TASP1: variants seen among roughly 807,000 people sequenced by gnomAD.
The protein encoded by TASP1 is taspase 1.
Under a neutral mutation model 56.6 loss-of-function variants are expected in TASP1, and 16 were observed. The ratio of observed to expected loss-of-function variants is 0.28; its 90% CI spans 0.19 to 0.43. The LOEUF is 0.43. TASP1 is among the 20% of genes least tolerant of loss of function. The pLI, the probability that TASP1 is intolerant of heterozygous loss-of-function variation, is 1.00. For missense variants in TASP1, 393 were observed against 511.6 expected, an observed-to-expected ratio of 0.77 and a Z score of 2.24; for synonymous variants, 179 against 184.2, an observed-to-expected ratio of 0.97 and a Z score of 0.23.
At chr20:13,262,736 C>G in the TASP1 span, among the ~76,000 whole-genome samples, 1 of 151,716 alleles carries the variant, frequency 6.6e-6, no homozygotes, top group Non-Finnish European at 1.5e-5. Context: ...GTGTTGATCT[C>G]CATTTTGTCA....
At chr20:13,104,892 G>A in the TASP1 span, among the ~76,000 whole-genome samples, 310 of 151,894 alleles carry the variant, frequency 2.0e-3, no homozygotes, top group Middle Eastern at 0.014. Context: ...AAAACTTCTG[G>A]CATTGTTTTT....
rs776770859 is a variant in TASP1, at chr20:13,435,056, G to C, written c.1084C>G (p.Gln362Glu). 6.2e-6 allele frequency: 10 copies of C among 1,609,994 alleles called. No homozygotes were observed. The highest frequency in any genetic ancestry group is 7.6e-6 in the Non-Finnish European group (9 of 1,177,830). Residue 362 changes from glutamine to glutamate, a missense_variant, in exon 12 of 14, where the codon CAG becomes GAG. Gln to Glu is a conservative substitution (Grantham distance 29, BLOSUM62 2). This residue lies in a region of TASP1 where 293 missense variants were observed against 354.2 expected (regional missense o/e 0.83). Transcript: ENST00000337743. ...ATGTCTCACTTACCTAGAAGTGTCT[G>C]CTTATTTTGGGAGGAGTCAGGCTCG... ...SAEPDSSQNK[Q>E]TLLVEFLWSH...
At chr20:13,150,489 C>T in the TASP1 span, among the ~76,000 whole-genome samples, 1 of 152,198 alleles carries the variant, frequency 6.6e-6, no homozygotes, top group African/African-American at 2.4e-5. Flanking sequence ...CTGCCTATCT[C>T]TTTCTTTAAA....
the TASP1 span, among the ~76,000 whole-genome samples, chr20:13,206,512 A>C: frequency 1.3e-5 from 2 of 152,312 alleles, no homozygotes; most frequent in East Asian, 1.9e-4. Flanking sequence ...ATAATAGATA[A>C]ATTTTTAAAA....
chr20:13,525,297 C>A (rs923316895), intron 10 of TASP1, among the ~76,000 whole-genome samples: 1 of 152,186 alleles, frequency 6.6e-6, no homozygotes, highest in African/African-American at 2.4e-5. Context: ...CTTGCCCAGG[C>A]TCCACAGCTA....
chr20:13,522,968 G>T, intron 10 of TASP1, among the ~76,000 whole-genome samples: 1 of 152,148 alleles, frequency 6.6e-6, no homozygotes, highest in East Asian at 1.9e-4. Flanking sequence ...GAGCAACCGT[G>T]TCAAATGTTG....
At chr20:13,463,876 G>A (rs1398930593) in intron 11 of TASP1, among the ~76,000 whole-genome samples, 1 of 152,126 alleles carries the variant, frequency 6.6e-6, no homozygotes, top group Non-Finnish European at 1.5e-5. Context: ...TGGTGAGGAT[G>A]TAAAGAAATG....
the TASP1 span, among the ~76,000 whole-genome samples, chr20:13,231,844 A>C: frequency 6.6e-6 from 1 of 152,154 alleles, no homozygotes; most frequent in African/African-American, 2.4e-5. Flanking sequence ...CCAATCACCA[A>C]ATATTCAAGA....
At chr20:13,539,726 T>C (rs1011356413) in intron 8 of TASP1, among the ~76,000 whole-genome samples, 1 of 152,222 alleles carries the variant, frequency 6.6e-6, no homozygotes, top group African/African-American at 2.4e-5. Context: ...TAAAAAAGAT[T>C]ACTTAAAAAT....
At chr20:13,501,128 T>C (rs987900256) in intron 10 of TASP1, among the ~76,000 whole-genome samples, 1 of 151,956 alleles carries the variant, frequency 6.6e-6, no homozygotes, top group Admixed American at 6.6e-5. Context: ...AGAGAAAACA[T>C]CCTTCAAAAG....
At chr20:13,514,452 C>G (rs570639842) in intron 10 of TASP1, among the ~76,000 whole-genome samples, 1 of 152,048 alleles carries the variant, frequency 6.6e-6, no homozygotes. Context: ...GTGTGTTTCT[C>G]CTCCATAAGG....
chr20:13,546,263 CAA>C (rs34313740), intron 8 of TASP1, among the ~76,000 whole-genome samples: 32,300 of 151,892 alleles, frequency 0.21, 3,579 homozygotes, highest in Middle Eastern at 0.28. Context: ...AAACACCAAT[CAA>C]AGCCCATGCA....
chr20:13,228,975 C>G, the TASP1 span, among the ~76,000 whole-genome samples: 1 of 152,154 alleles, frequency 6.6e-6, no homozygotes, highest in African/African-American at 2.4e-5. Context: ...CTCAACCACT[C>G]TGAAACCCAG....
intron 10 of TASP1, among the ~76,000 whole-genome samples, chr20:13,520,090 GA>G (rs2044684270): frequency 6.6e-6 from 1 of 152,142 alleles, no homozygotes; most frequent in Non-Finnish European, 1.5e-5. Flanking sequence ...TCTTCAAGGA[GA>G]ACTACAAACC....
the TASP1 span, among the ~76,000 whole-genome samples, chr20:13,126,991 C>T: frequency 2.6e-5 from 4 of 152,204 alleles, no homozygotes; most frequent in Admixed American, 6.5e-5. Context: ...TGTTTGTGTG[C>T]GTGTGTGTGC....
At position 13,552,335 on chromosome 20, in the gene TASP1, G is replaced by A. The variant is rs991776906; in HGVS notation, c.675+6673C>T. On this transcript the variant is annotated intron_variant, in intron 8 of 13. Transcript: ENST00000337743. ...CTGTGCAAAGACAGCAGGTGGAAACGTTGCCTCTCTGTCTCTAAGTGATGA... is the reference window on the plus strand; with the variant it reads ...CTGTGCAAAGACAGCAGGTGGAAACATTGCCTCTCTGTCTCTAAGTGATGA... Among the ~76,000 whole-genome samples, 5 of 152,234 alleles carry A rather than the reference G, an allele frequency of 3.3e-5. No homozygotes were observed. The East Asian group carries it at 9.6e-4, about 29-fold the overall frequency.
the TASP1 span, among the ~76,000 whole-genome samples, chr20:13,365,949 T>C: frequency 6.6e-6 from 1 of 152,098 alleles, no homozygotes; most frequent in African/African-American, 2.4e-5. Context: ...GAGGGGATAC[T>C]GAGGAAGACA....
chr20:13,347,821 G>A, the TASP1 span, among the ~76,000 whole-genome samples: 5 of 148,410 alleles, frequency 3.4e-5, no homozygotes, highest in Admixed American at 2.0e-4. Context: ...CAGCCTGGGC[G>A]ACATAGCGAG....
At chr20:13,375,886 A>G in the TASP1 span, among the ~76,000 whole-genome samples, 1 of 151,330 alleles carries the variant, frequency 6.6e-6, no homozygotes, top group South Asian at 2.1e-4. Flanking sequence ...TCTTTTAAGA[A>G]GTGTCTGTTC....
Sources: allele counts gnomAD v4.1 joint callset (sites outside exome capture counted in the v4.1 genomes callset), GRCh38; gene constraint gnomAD v4.1.1; regional missense constraint gnomAD v4.1.1; transcripts MANE v1.5; gene names NCBI Gene and HGNC (gene_info 2026-07-23, HGNC 2026-07-21).